Variants in PCDHA7 observed in about 807,000 individuals in gnomAD.
PCDHA7 encodes protocadherin alpha 7.
In PCDHA7, 37 loss-of-function variants were observed where a neutral mutation model predicts 57.2. The ratio of observed to expected loss-of-function variants is 0.65; its 90% CI spans 0.50 to 0.85. PCDHA7 has a LOEUF of 0.85. Among genes scored for constraint, PCDHA7 ranks in the 40% least tolerant of loss-of-function variants. The pLI is 0.00. For missense variants in PCDHA7, 1,188 were observed against 1,241.8 expected, an observed-to-expected ratio of 0.96 and a Z score of 0.65; for synonymous variants, 553 against 558.8, an observed-to-expected ratio of 0.99 and a Z score of 0.15.
At chr5:140,919,593 T>C (rs541275874) in intron 1 of PCDHA7, among the ~76,000 whole-genome samples, 1 of 152,214 alleles carries the variant, frequency 6.6e-6, no homozygotes, top group Non-Finnish European at 1.5e-5. Context: ...TGGTAATTTT[T>C]AAAATAAATT....
intron 1 of PCDHA7, chr5:140,871,124 C>T (rs782035990): frequency 1.9e-6 from 3 of 1,613,326 alleles, no homozygotes; most frequent in Non-Finnish European, 8.5e-7. Context: ...AGCGGACAGG[C>T]GCCAAAGGCC....
intron 1 of PCDHA7, among the ~76,000 whole-genome samples, chr5:140,902,026 A>G (rs1554190175): frequency 6.6e-6 from 1 of 152,114 alleles, no homozygotes; most frequent in Non-Finnish European, 1.5e-5. Flanking sequence ...TAGAAATACT[A>G]CTAATTTTTG....
At chr5:140,912,465 C>T (rs2153521985) in intron 1 of PCDHA7, among the ~76,000 whole-genome samples, 1 of 151,968 alleles carries the variant, frequency 6.6e-6, no homozygotes, top group South Asian at 2.1e-4. Context: ...TATCCTGGAA[C>T]TTTACTGAAT....
At position 140,836,346 on chromosome 5, in the gene PCDHA7, G is replaced by C. The variant is rs1774395733; in HGVS notation, c.1963G>C (p.Gly655Arg). The C allele has an allele frequency of 6.2e-7, 1 of 1,613,696 alleles. No individual in the cohort carries two copies. The highest frequency in any genetic ancestry group is 1.1e-5 in the South Asian group (1 of 91,074). ...CCTTCTGGTGCTTGTGAAGGACCAC[G>C]GGGAGCCCTCGCTGACAGCCACAGC... ...HRLLVLVKDH[G>R]EPSLTATATV... The change falls in exon 1 of 4, where the codon GGG (glycine) becomes CGG (arginine). Residue 655 changes from glycine to arginine, a missense_variant. Physicochemically the swap from Gly to Arg is moderately radical, Grantham distance 125 (BLOSUM62 -2). Transcript: ENST00000525929.
chr5:140,944,623 T>A (rs535315515), intron 1 of PCDHA7, among the ~76,000 whole-genome samples: 62 of 152,320 alleles, frequency 4.1e-4, no homozygotes, highest in Non-Finnish European at 7.3e-4. Context: ...AGAAGTATAG[T>A]GTTGTAAGCC....
At chr5:140,905,407 A>G (rs2071810139) in intron 1 of PCDHA7, among the ~76,000 whole-genome samples, 1 of 152,158 alleles carries the variant, frequency 6.6e-6, no homozygotes, top group Non-Finnish European at 1.5e-5. Context: ...CTATTTTTAT[A>G]CCAGTACCAT....
intron 1 of PCDHA7, among the ~76,000 whole-genome samples, chr5:140,921,524 T>C (rs2080251541): frequency 6.6e-6 from 1 of 152,164 alleles, no homozygotes; most frequent in South Asian, 2.1e-4. Flanking sequence ...GAAATAAAAA[T>C]CTGCTGATAG....
At chr5:140,976,424 G>A (rs2096715736) in intron 1 of PCDHA7, among the ~76,000 whole-genome samples, 1 of 152,114 alleles carries the variant, frequency 6.6e-6, no homozygotes, top group Non-Finnish European at 1.5e-5. Flanking sequence ...GGTGGCAGAT[G>A]CCTGTAATCC....
At chr5:140,994,197 G>A (rs1449482897) in intron 3 of PCDHA7, among the ~76,000 whole-genome samples, 1 of 152,196 alleles carries the variant, frequency 6.6e-6, no homozygotes. Context: ...GGGCCTGTTG[G>A]TCCAGAATGG....
chr5:140,870,581 T>C, intron 1 of PCDHA7: 1 of 1,613,826 alleles, frequency 6.2e-7, no homozygotes, highest in Non-Finnish European at 8.5e-7. Context: ...TCCTACTCGC[T>C]GGTGGAGCGG....
At chr5:140,913,394 A>G (rs2076316460) in intron 1 of PCDHA7, among the ~76,000 whole-genome samples, 1 of 152,204 alleles carries the variant, frequency 6.6e-6, no homozygotes, top group Non-Finnish European at 1.5e-5. Flanking sequence ...CATAGCCACT[A>G]ATGATCCTTT....
intron 2 of PCDHA7, among the ~76,000 whole-genome samples, chr5:140,980,990 G>T (rs1344931215): frequency 6.6e-6 from 1 of 152,116 alleles, no homozygotes. Flanking sequence ...CACACAATTT[G>T]CTAGTAGGAT....
At chr5:140,883,052 A>G (rs1554176592) in intron 1 of PCDHA7, 1 of 1,614,134 alleles carries the variant, frequency 6.2e-7, no homozygotes, top group East Asian at 2.2e-5. Flanking sequence ...AACATTAGTG[A>G]TCAAGCTAAA....
chr5:140,871,582 GT>G, intron 1 of PCDHA7: 2 of 1,468,826 alleles, frequency 1.4e-6, no homozygotes, highest in Non-Finnish European at 1.8e-6. Flanking sequence ...TTAAGGGAAA[GT>G]TTTATGAATA....
rs782441014 is a variant in PCDHA7 at position 140,870,020 on chromosome 5, C to T, written c.2355+33282C>T. On this transcript the variant is annotated intron_variant, in intron 1 of 3. Transcript: ENST00000525929. ...AATGGAGAAGTGAGGGTCAATGGAACTTTAGATTATGAAGAAAACAAGTTT... is the reference window on the plus strand; with the variant it reads ...AATGGAGAAGTGAGGGTCAATGGAATTTTAGATTATGAAGAAAACAAGTTT... The T allele has an allele frequency of 1.9e-6, 3 of 1,613,394 alleles. No individual in the cohort carries two copies. The highest frequency in any genetic ancestry group is 2.7e-5 in the African/African-American group (2 of 74,862).
chr5:140,924,996 T>G (rs960105846), intron 1 of PCDHA7, among the ~76,000 whole-genome samples: 1 of 151,078 alleles, frequency 6.6e-6, no homozygotes, highest in African/African-American at 2.4e-5. Flanking sequence ...ATCCTAGCAC[T>G]TTAGGAGGCT....
intron 1 of PCDHA7, among the ~76,000 whole-genome samples, chr5:140,891,372 G>A (rs1256551608): frequency 1.3e-5 from 2 of 151,962 alleles, no homozygotes; most frequent in Non-Finnish European, 2.9e-5. Flanking sequence ...AGTATACATT[G>A]CACCATATTT....
intron 1 of PCDHA7, chr5:140,967,146 AC>A: frequency 6.2e-7 from 1 of 1,610,972 alleles, no homozygotes; most frequent in Non-Finnish European, 8.5e-7. Context: ...CTGGCGCACA[AC>A]CCCGTGGCGG....
At position 140,850,416 on chromosome 5, in the gene PCDHA7, G is replaced by A. The variant is rs2150483366; in HGVS notation, c.2355+13678G>A. 14 of 1,598,000 alleles carry A rather than the reference G, an allele frequency of 8.8e-6. 2 individuals are homozygous for A. In the Admixed American group the frequency reaches 2.0e-4, roughly 23 times the overall value. Reference sequence around the variant, plus strand: ...CACAACGCGTGCCCTGGACGAAACGGACGCACCGCGCCAGCGCCTACTGGT... The same window carrying A: ...CACAACGCGTGCCCTGGACGAAACGAACGCACCGCGCCAGCGCCTACTGGT... On this transcript the variant is annotated intron_variant, in intron 1 of 3. Transcript: ENST00000525929.
Sources: gnomAD v4.1 joint callset for allele counts (sites outside exome capture counted in the v4.1 genomes callset) on GRCh38, gnomAD v4.1.1 for gene constraint, MANE v1.5 for transcripts, NCBI Gene and HGNC (gene_info 2026-07-23, HGNC 2026-07-21) for gene names.